The following DPPA2 variants were observed in gnomAD, a reference collection of about 807,000 sequenced individuals.
DPPA2 encodes developmental pluripotency-associated protein 2.
A neutral mutation model predicts 36.2 loss-of-function variants in DPPA2; 26 were observed. That is an observed-to-expected ratio of 0.72 (90% CI 0.53 to 1.00). The LOEUF is 1.00. Ranked by LOEUF, DPPA2 falls within the 50% of genes least tolerant of loss-of-function variation. DPPA2 has a pLI of 0.00. For synonymous variants in DPPA2, 113 were observed against 123.2 expected (o/e 0.92, Z 0.55); for missense variants, 361 against 365.1 (o/e 0.99, Z 0.09).
intron 1 of DPPA2, among the ~76,000 whole-genome samples, chr3:109,314,833 G>C (rs549366976): frequency 2.6e-5 from 4 of 152,140 alleles, no homozygotes; most frequent in African/African-American, 4.8e-5. Flanking sequence ...GAGGCCCAGG[G>C]GGGGCGGATC....
rs575496947 is a variant in DPPA2 at position 109,310,606 on chromosome 3, A to C, written c.182-1276T>G. Among the ~76,000 whole-genome samples the C allele has an allele frequency of 5.9e-4, 89 of 149,836 alleles. 2 individuals carry two copies. In the East Asian group the frequency reaches 0.017, roughly 28 times the overall value. On this transcript the variant is annotated intron_variant, in intron 3 of 8. Coordinates refer to ENST00000478945, the MANE Select transcript of DPPA2 (RefSeq NM_138815.4). The stretch of plus-strand genomic sequence containing the variant: ...CTGCAACCTCCGCCTCCTAGGTTCA[A>C]GCAATTCTCCTGCCTCAGCCTCCCG...
chr3:109,301,504 T>C (rs1011634626), intron 7 of DPPA2, among the ~76,000 whole-genome samples: 64 of 151,698 alleles, frequency 4.2e-4, no homozygotes, highest in African/African-American at 1.5e-3. Flanking sequence ...ATACAAAAAT[T>C]AGCTGGGTGT....
intron 8 of DPPA2, 90 bp downstream of exon 8, chr3:109,300,281 G>A: frequency 9.7e-7 from 1 of 1,031,562 alleles, no homozygotes; most frequent in Non-Finnish European, 1.5e-6. Flanking sequence ...ATAGGGGGAA[G>A]GCAGAGAGTT....
rs141704951 is a variant in DPPA2 at position 109,298,452 on chromosome 3, C to T, written c.*22+1919G>A. On this transcript the variant is annotated intron_variant, in intron 8 of 8. Coordinates refer to ENST00000478945, the MANE Select transcript of DPPA2 (RefSeq NM_138815.4). Reference sequence around the variant, plus strand: ...TAAAATAGCCGGGCACGGTGGCTCACGCCTGTAATCCCAGCCCTTTGGGAG... The same window carrying T: ...TAAAATAGCCGGGCACGGTGGCTCATGCCTGTAATCCCAGCCCTTTGGGAG... Among the ~76,000 whole-genome samples, 536 of 152,054 alleles carry T rather than the reference C, an allele frequency of 3.5e-3. 6 individuals are homozygous for T. The highest frequency in any genetic ancestry group is 0.011 in the African/African-American group (453 of 41,480).
chr3:109,313,588 T>G (rs577700361), intron 2 of DPPA2, among the ~76,000 whole-genome samples: 19 of 152,208 alleles, frequency 1.2e-4, no homozygotes, highest in Non-Finnish European at 2.8e-4. Context: ...TTTATTAATT[T>G]TCCTGCTTTA....
chr3:109,308,384 C>T (rs952458030), intron 5 of DPPA2, 91 bp from the exon 6 acceptor site: 53 of 1,438,168 alleles, frequency 3.7e-5, no homozygotes, highest in Middle Eastern at 1.8e-4. Context: ...TTTTTTGAGA[C>T]GGAGTCTCGC....
chr3:109,309,410 G>A (rs1013720736), intron 3 of DPPA2, 80 bp from the exon 4 acceptor site: 64 of 1,523,558 alleles, frequency 4.2e-5, no homozygotes, highest in Non-Finnish European at 5.0e-5. Context: ...ATCTAGGGTC[G>A]GGCACGGTGG....
At chr3:109,302,714 A>C (rs1343348990) in intron 7 of DPPA2, among the ~76,000 whole-genome samples, 2 of 148,600 alleles carry the variant, frequency 1.3e-5, no homozygotes, top group Non-Finnish European at 3.0e-5. Flanking sequence ...GGTCTCCCAA[A>C]GTGCTGGGAT....
At chr3:109,301,800 C>T (rs970504153) in intron 7 of DPPA2, among the ~76,000 whole-genome samples, 3 of 152,154 alleles carry the variant, frequency 2.0e-5, no homozygotes, top group African/African-American at 7.2e-5. Context: ...CTTGAGGTTA[C>T]TGCCTCAACT....
At chr3:109,294,302 TAGA>T (rs1422093429) in intron 8 of DPPA2, among the ~76,000 whole-genome samples, 1 of 152,202 alleles carries the variant, frequency 6.6e-6, no homozygotes, top group Non-Finnish European at 1.5e-5. Flanking sequence ...ATGTTTATAC[TAGA>T]AGACCATTGA....
intron 7 of DPPA2, among the ~76,000 whole-genome samples, chr3:109,300,647 C>T (rs1302843282): frequency 1.3e-5 from 2 of 151,840 alleles, no homozygotes; most frequent in Admixed American, 1.3e-4. Context: ...TATGGTGAAA[C>T]CCTGTGTCTG....
chr3:109,310,502 GT>G (rs1243273423), intron 3 of DPPA2, among the ~76,000 whole-genome samples: 3 of 149,794 alleles, frequency 2.0e-5, no homozygotes, highest in African/African-American at 4.9e-5. Context: ...ACCTATGTAG[GT>G]TTTTTTTGTT....
At chr3:109,309,710 C>CAA (rs1241049352) in intron 3 of DPPA2, among the ~76,000 whole-genome samples, 1 of 151,364 alleles carries the variant, frequency 6.6e-6, no homozygotes. Context: ...AAAAATTTTA[C>CAA]AAAGATCTTT....
At chr3:109,315,945 T>C (rs1435394157) in intron 1 of DPPA2, among the ~76,000 whole-genome samples, 2 of 152,150 alleles carry the variant, frequency 1.3e-5, no homozygotes, top group Non-Finnish European at 2.9e-5. Flanking sequence ...ACTGAGGAAC[T>C]GATTGGAAAA....
intron 8 of DPPA2, among the ~76,000 whole-genome samples, chr3:109,300,149 T>C (rs1050860652): frequency 1.3e-5 from 2 of 152,162 alleles, no homozygotes; most frequent in African/African-American, 4.8e-5. Flanking sequence ...ATACCAAAGA[T>C]GGTCAGGACA....
intron 8 of DPPA2, among the ~76,000 whole-genome samples, chr3:109,296,300 TA>T (rs1197079967): frequency 6.6e-6 from 1 of 152,118 alleles, no homozygotes; most frequent in Non-Finnish European, 1.5e-5. Flanking sequence ...ACCTTAACTG[TA>T]AAGGAACAAA....
chr3:109,305,806 A>G (rs183751637), intron 6 of DPPA2, among the ~76,000 whole-genome samples: 12 of 151,334 alleles, frequency 7.9e-5, no homozygotes, highest in Non-Finnish European at 1.5e-4. Flanking sequence ...GTAAGGAACA[A>G]TTTAAGTAGG....
intron 8 of DPPA2, among the ~76,000 whole-genome samples, chr3:109,294,947 G>A (rs1024888243): frequency 1.3e-5 from 2 of 152,140 alleles, no homozygotes; most frequent in East Asian, 3.9e-4. Context: ...CTTAAAGCCA[G>A]GAGGTGGAGG....
chr3:109,300,540 G>T, intron 7 of DPPA2, 105 bp from the exon 8 acceptor site: 1 of 1,135,748 alleles, frequency 8.8e-7, no homozygotes, highest in Non-Finnish European at 1.3e-6. Context: ...TGCACTTCTG[G>T]GCCGGGTGTG....
Sources: allele counts gnomAD v4.1 joint callset (sites outside exome capture counted in the v4.1 genomes callset), GRCh38; gene constraint gnomAD v4.1.1; transcripts MANE v1.5; gene names NCBI Gene and HGNC (gene_info 2026-07-23, HGNC 2026-07-21).